The following ERC2 variants were observed in gnomAD, a reference collection of about 807,000 sequenced individuals.
The protein encoded by ERC2 is ELKS/RAB6-interacting/CAST family member 2.
In ERC2, 42 loss-of-function variants were observed where a neutral mutation model predicts 114.8. The observed-to-expected ratio is 0.37, with a 90% CI of 0.29 to 0.47. The LOEUF (loss-of-function observed/expected upper bound fraction) is 0.47. Among genes scored for constraint, ERC2 ranks in the 20% least tolerant of loss-of-function variants. ERC2 has a pLI of 0.99. For synonymous variants in ERC2, 454 were observed against 425.5 expected (o/e 1.07, Z -0.82); for missense variants, 939 against 1,150.7 (o/e 0.82, Z 2.66).
chr3:55,543,216 G>C (rs1360325929), intron 17 of ERC2, among the ~76,000 whole-genome samples: 1 of 152,162 alleles, frequency 6.6e-6, no homozygotes, highest in Non-Finnish European at 1.5e-5. Context: ...GTCTCGGATG[G>C]GGGCAGCAGC....
chr3:55,683,862 GCGGC>G lies in ERC2; in HGVS notation c.2848-7_2848-4del, dbSNP rs766032279. The G allele has an allele frequency of 4.3e-6, 7 of 1,611,468 alleles. No individual in the cohort carries two copies. In the East Asian group the frequency reaches 1.3e-4, roughly 31 times the overall value. ...GCCCATATGCCCTCCTCGTCATCCT[GCGGC>G]CGGCCCGAGGTGGGGAGGTGCACAG... On this transcript the variant is annotated splice_region_variant and splice_polypyrimidine_tract_variant and intron_variant, in intron 16 of 17. Transcript: ENST00000288221.
rs113992113 is a variant in ERC2 at position 56,172,134 on chromosome 3, T to C, written c.1149+1312A>G. Among the ~76,000 whole-genome samples the C allele has an allele frequency of 5.3e-3, 805 of 152,078 alleles. 5 individuals carry two copies. The highest frequency in any genetic ancestry group is 0.019 in the African/African-American group (775 of 41,498). On this transcript the variant is annotated intron_variant, in intron 4 of 17. Transcript: ENST00000288221. ...ACCACTGGCCTACCATTCCCCAGTG[T>C]AGAATGTTCAGTTTCTTTTCAAAAT...
chr3:56,208,879 C>A lies in ERC2; in HGVS notation c.1075-35359G>T, dbSNP rs116489871. Among the ~76,000 whole-genome samples the A allele has an allele frequency of 2.0e-5, 3 of 152,240 alleles. No individual in the cohort carries two copies. In the East Asian group the frequency reaches 5.8e-4, roughly 29 times the overall value. ...CCAGGGGAAAATTCAGGCTGAGAAACTGCAGAATGGTCACAGCCTCAGACA... is the reference window on the plus strand; with the variant it reads ...CCAGGGGAAAATTCAGGCTGAGAAAATGCAGAATGGTCACAGCCTCAGACA... On this transcript the variant is annotated intron_variant, in intron 3 of 17. Transcript: ENST00000288221.
At chr3:55,750,436 T>C (rs1177317287) in intron 14 of ERC2, among the ~76,000 whole-genome samples, 2 of 152,184 alleles carry the variant, frequency 1.3e-5, no homozygotes, top group Non-Finnish European at 2.9e-5. Context: ...AAAGGAGAAC[T>C]GGAATTTGTA....
At chr3:56,281,698 G>A (rs565188960) in intron 3 of ERC2, among the ~76,000 whole-genome samples, 2 of 152,152 alleles carry the variant, frequency 1.3e-5, no homozygotes, top group African/African-American at 2.4e-5. Context: ...ACTAAGTGCC[G>A]AGCTTTACGA....
chr3:56,156,034 A>C (rs2081699329), intron 4 of ERC2, among the ~76,000 whole-genome samples: 1 of 152,194 alleles, frequency 6.6e-6, no homozygotes, highest in Non-Finnish European at 1.5e-5. Context: ...AGAAGGCAAC[A>C]AGATAGTCTT....
chr3:55,977,343 A>G (rs1450246944), intron 12 of ERC2, among the ~76,000 whole-genome samples: 1 of 131,842 alleles, frequency 7.6e-6, no homozygotes, highest in Non-Finnish European at 1.6e-5. Flanking sequence ...AAAAACCACC[A>G]TTAGCCAAAT....
chr3:56,382,009 C>G (rs2059770625), intron 2 of ERC2, among the ~76,000 whole-genome samples: 1 of 152,114 alleles, frequency 6.6e-6, no homozygotes, highest in South Asian at 2.1e-4. Context: ...CATACCTTCT[C>G]CTTCAAAGCT....
At chr3:55,720,731 A>G (rs2064495390) in intron 15 of ERC2, among the ~76,000 whole-genome samples, 1 of 152,214 alleles carries the variant, frequency 6.6e-6, no homozygotes, top group African/African-American at 2.4e-5. Flanking sequence ...TTGGTCAGTG[A>G]ACAAGTCATG....
At chr3:55,614,327 G>C (rs1336731427) in intron 17 of ERC2, among the ~76,000 whole-genome samples, 1 of 152,178 alleles carries the variant, frequency 6.6e-6, no homozygotes, top group Admixed American at 6.5e-5. Flanking sequence ...GTGGAAGCCA[G>C]GTATCAGTTG....
intron 6 of ERC2, among the ~76,000 whole-genome samples, chr3:56,108,832 T>C (rs1352008): frequency 0.047 from 7,207 of 152,200 alleles, 308 homozygotes; most frequent in East Asian, 0.13. Flanking sequence ...GAGCCTGCTG[T>C]AGGATACAAG....
chr3:55,879,405 C>T (rs1312350902), intron 14 of ERC2, among the ~76,000 whole-genome samples: 2 of 152,090 alleles, frequency 1.3e-5, no homozygotes, highest in Non-Finnish European at 2.9e-5. Context: ...TGAATCAAGC[C>T]CAGTTTTCTT....
intron 13 of ERC2, among the ~76,000 whole-genome samples, chr3:55,926,369 A>C (rs1019532093): frequency 6.6e-6 from 1 of 151,338 alleles, no homozygotes. Flanking sequence ...TGGCTTCTAC[A>C]TTCCACCTGC....
At chr3:55,937,934 C>T (rs1349951002) in intron 13 of ERC2, among the ~76,000 whole-genome samples, 1 of 152,202 alleles carries the variant, frequency 6.6e-6, no homozygotes, top group Non-Finnish European at 1.5e-5. Context: ...GAAACACATG[C>T]AGGGAGCCCC....
chr3:55,821,455 C>T (rs555785166), intron 14 of ERC2, among the ~76,000 whole-genome samples: 2 of 152,322 alleles, frequency 1.3e-5, no homozygotes, highest in East Asian at 1.9e-4. Context: ...CATTCCCTTA[C>T]TGACCAACCA....
chr3:55,578,866 C>T (rs1430366515), intron 17 of ERC2, among the ~76,000 whole-genome samples: 1 of 152,142 alleles, frequency 6.6e-6, no homozygotes, highest in Non-Finnish European at 1.5e-5. Flanking sequence ...CTCTCCTGCA[C>T]ATGGCCTCTC....
intron 3 of ERC2, among the ~76,000 whole-genome samples, chr3:56,251,176 G>T (rs1010277020): frequency 1.1e-4 from 16 of 152,274 alleles, no homozygotes; most frequent in Middle Eastern, 3.4e-3. Context: ...ACTACAGAAA[G>T]TTCCCAACAG....
intron 17 of ERC2, among the ~76,000 whole-genome samples, chr3:55,642,326 TTTTTC>T (rs2060221010): frequency 7.1e-6 from 1 of 141,088 alleles, no homozygotes; most frequent in Non-Finnish European, 1.5e-5. Context: ...AGCTTTTTTT[TTTTTC>T]TTTTCTTTTT....
At chr3:56,231,963 G>A (rs1167592771) in intron 3 of ERC2, among the ~76,000 whole-genome samples, 1 of 151,142 alleles carries the variant, frequency 6.6e-6, no homozygotes, top group African/African-American at 2.4e-5. Context: ...GTAAGACCTA[G>A]ACATAGTTTT....
Sources: gnomAD v4.1 joint callset for allele counts (sites outside exome capture counted in the v4.1 genomes callset) on GRCh38, gnomAD v4.1.1 for gene constraint, MANE v1.5 for transcripts, NCBI Gene and HGNC (gene_info 2026-07-23, HGNC 2026-07-21) for gene names.